Variants in C6 observed in about 807,000 individuals in gnomAD.
The protein encoded by C6 is complement component C6.
Under a neutral mutation model 112.9 loss-of-function variants are expected in C6, and 101 were observed. The ratio of observed to expected loss-of-function variants is 0.89; its 90% CI spans 0.76 to 1.06. The LOEUF is 1.06. Ranked by LOEUF, C6 falls within the 50% of genes least tolerant of loss-of-function variation. C6 has a pLI of 0.00. For synonymous variants in C6, 431 were observed against 384.1 expected (o/e 1.12, Z -1.43); for missense variants, 1,202 against 1,104.6 (o/e 1.09, Z -1.25).
At chr5:41,207,710 G>C (rs1333416895) in intron 1 of C6, among the ~76,000 whole-genome samples, 2 of 152,174 alleles carry the variant, frequency 1.3e-5, no homozygotes, top group Non-Finnish European at 2.9e-5. Context: ...CAATATAGGA[G>C]CACTCAGATT....
At chr5:41,157,509 C>T (rs548448680) in intron 13 of C6, among the ~76,000 whole-genome samples, 1 of 152,140 alleles carries the variant, frequency 6.6e-6, no homozygotes, top group Admixed American at 6.5e-5. Flanking sequence ...ATGAAAGTAG[C>T]CATAGACGAT....
rs1748866469 is a variant in C6, at chr5:41,176,545, G to T, written c.1098C>A (p.Phe366Leu). 1.4e-5 allele frequency: 23 copies of T among 1,613,882 alleles called. No homozygotes were observed. The highest frequency in any genetic ancestry group is 1.9e-5 in the Non-Finnish European group (22 of 1,179,874). The change falls in exon 8 of 18, where the codon TTC becomes TTA. Residue 366 changes from phenylalanine (F) to leucine (L), a missense_variant. Transcript: ENST00000337836. ...ACACGCCTCCCAGGGAGCCAGAGGT[G>T]AAGTAATGAGTCCCAAAGTCATCGA... ...RIFDDFGTHY[F>L]TSGSLGGVYD...
At chr5:41,178,923 C>T (rs6891764) in intron 7 of C6, among the ~76,000 whole-genome samples, 8,833 of 151,506 alleles carry the variant, frequency 0.058, 323 homozygotes, top group Middle Eastern at 0.091. Flanking sequence ...GTGCGATCTC[C>T]GCTCACTGCA....
At chr5:41,253,720 G>T (rs1741506644) in intron 1 of C6, among the ~76,000 whole-genome samples, 1 of 152,146 alleles carries the variant, frequency 6.6e-6, no homozygotes, top group Admixed American at 6.5e-5. Context: ...GAATGTAATT[G>T]TACGGATAAT....
chr5:41,199,514 T>C (rs7448055), intron 4 of C6, among the ~76,000 whole-genome samples: 80,399 of 151,678 alleles, frequency 0.53, 21,721 homozygotes, highest in Non-Finnish European at 0.6. Context: ...TCTTTTAAAA[T>C]ATGTCATTTC....
At position 41,149,294 on chromosome 5, in the gene C6, G is replaced by T; in HGVS notation, c.2570C>A (p.Thr857Lys). ...LERTRLSSNS[T>K]KKESCGYDTC... ...GTCATAGCCACAGGATTCTTTCTTT[G>T]TGCTGTTGGATGAAAGTCTTGTCCT... Residue 857 changes from threonine to lysine, a missense_variant, in exon 17 of 18, where the codon ACA becomes AAA. Transcript: ENST00000337836. 6.2e-7 allele frequency: 1 copy of T among 1,613,994 alleles called. No homozygotes were observed. The highest frequency in any genetic ancestry group is 8.5e-7 in the Non-Finnish European group (1 of 1,179,952).
chr5:41,226,398 A>G (rs1356558778), intron 1 of C6, among the ~76,000 whole-genome samples: 3 of 152,198 alleles, frequency 2.0e-5, no homozygotes, highest in South Asian at 2.1e-4. Context: ...CAAAACCACA[A>G]TGAGATACCA....
chr5:41,241,840 A>G (rs986970667), intron 1 of C6, among the ~76,000 whole-genome samples: 18 of 152,344 alleles, frequency 1.2e-4, no homozygotes, highest in Admixed American at 1.3e-4. Context: ...TAGGTAGGAC[A>G]GAACATTCAC....
rs550564724 is a variant in C6, at chr5:41,181,399, T to A, written c.887A>T (p.Asn296Ile). Reference protein sequence around the residue: ...SSKRSENINHNSAFKQAIQAS... With the variant: ...SSKRSENINHISAFKQAIQAS... ...TTGAATGGCTTGTTTGAAGGCAGAA[T>A]TATGGTTGATATTTTCACTTCTCTT... Residue 296 changes from asparagine (N) to isoleucine (I), a missense_variant, in exon 7 of 18, where the codon AAT (asparagine) becomes ATT (isoleucine). Coordinates refer to ENST00000337836, the MANE Select transcript of C6 (RefSeq NM_000065.5). 1.2e-6 allele frequency: 2 copies of A among 1,613,764 alleles called. No individual in the cohort carries two copies. The highest frequency in any genetic ancestry group is 1.7e-5 in the Admixed American group (1 of 60,006).
Position 41,153,959 on chromosome 5 carries a change from G to A in C6, c.2141C>T (p.Thr714Ile). 6.2e-7 allele frequency: 1 copy of A among 1,613,804 alleles called. No homozygotes were observed. Among genetic ancestry groups the A allele is most frequent in the South Asian group, 1.1e-5 (1 of 91,082 alleles). The change falls in exon 15 of 18, where the codon ACA (threonine) becomes ATA (isoleucine). Residue 714 changes from threonine to isoleucine, a missense_variant. Coordinates refer to ENST00000337836, the MANE Select transcript of C6 (RefSeq NM_000065.5). ...CIKPVVQEVLTITPFQRLYRI... is the reference protein window; with the variant it reads ...CIKPVVQEVLIITPFQRLYRI... ...ATACAATCTCTGAAATGGTGTAATT[G>A]TCAGGACTTCCTGCACAACTGGCTT...
intron 6 of C6, 45 bp downstream of exon 6, chr5:41,186,025 A>G (rs745691824): frequency 1.2e-6 from 2 of 1,612,342 alleles, no homozygotes; most frequent in South Asian, 2.2e-5. Flanking sequence ...TTTAGCTTAT[A>G]ATCACTGACG....
intron 9 of C6, among the ~76,000 whole-genome samples, chr5:41,170,104 T>C (rs1318383529): frequency 6.6e-6 from 1 of 152,126 alleles, no homozygotes; most frequent in Non-Finnish European, 1.5e-5. Flanking sequence ...AGAGACATAT[T>C]CTTATATAAC....
chr5:41,224,576 A>T (rs913433134), intron 1 of C6, among the ~76,000 whole-genome samples: 1 of 151,884 alleles, frequency 6.6e-6, no homozygotes, highest in Non-Finnish European at 1.5e-5. Flanking sequence ...ATGTATTAGT[A>T]TGTTCCTTTT....
At chr5:41,145,082 C>T (rs529621435) in intron 17 of C6, among the ~76,000 whole-genome samples, 1 of 152,020 alleles carries the variant, frequency 6.6e-6, no homozygotes, top group South Asian at 2.1e-4. Flanking sequence ...TGATTTATAC[C>T]CCTTTGGGTA....
chr5:41,240,676 C>T (rs1278467668), intron 1 of C6, among the ~76,000 whole-genome samples: 1 of 152,140 alleles, frequency 6.6e-6, no homozygotes, highest in East Asian at 1.9e-4. Context: ...AGGCAATCCT[C>T]AGGCTTTCAG....
At chr5:41,180,225 C>A (rs1216254520) in intron 7 of C6, among the ~76,000 whole-genome samples, 2 of 152,140 alleles carry the variant, frequency 1.3e-5, no homozygotes, top group Non-Finnish European at 2.9e-5. Flanking sequence ...AATATGGTGG[C>A]CTCCAGTTGC....
At chr5:41,234,097 A>G (rs1273637440) in intron 1 of C6, among the ~76,000 whole-genome samples, 4 of 152,108 alleles carry the variant, frequency 2.6e-5, no homozygotes, top group Non-Finnish European at 5.9e-5. Flanking sequence ...TACAAAACAA[A>G]TTATATAATA....
At chr5:41,251,192 G>T (rs910298639) in intron 1 of C6, among the ~76,000 whole-genome samples, 6 of 152,082 alleles carry the variant, frequency 3.9e-5, no homozygotes, top group African/African-American at 1.4e-4. Flanking sequence ...ATTGAATCAG[G>T]TTTACATGCA....
chr5:41,241,376 G>T (rs1470268119), intron 1 of C6, among the ~76,000 whole-genome samples: 1 of 152,156 alleles, frequency 6.6e-6, no homozygotes, highest in Non-Finnish European at 1.5e-5. Context: ...CACACCACTG[G>T]ATCTTGGCTT....
Sources: allele counts gnomAD v4.1 joint callset (sites outside exome capture counted in the v4.1 genomes callset), GRCh38; gene constraint gnomAD v4.1.1; transcripts MANE v1.5; gene names NCBI Gene and HGNC (gene_info 2026-07-23, HGNC 2026-07-21).